Variants in CCDC144A observed in about 807,000 individuals in gnomAD.
CCDC144A encodes the protein coiled-coil domain containing 144A.
CCDC144A carries 41 observed loss-of-function variants against 143.8 expected under a neutral mutation model. That is an observed-to-expected ratio of 0.29 (90% CI 0.22 to 0.37). The LOEUF (loss-of-function observed/expected upper bound fraction) is 0.37, where lower values mean the gene tolerates loss of function less well. Ranked by LOEUF, CCDC144A falls within the 10% of genes least tolerant of loss-of-function variation. CCDC144A has a pLI of 1.00. For synonymous variants in CCDC144A, 242 were observed against 517.9 expected, an observed-to-expected ratio of 0.47 and a Z score of 7.23; for missense variants, 637 against 1,488.8, an observed-to-expected ratio of 0.43 and a Z score of 9.41.
chr17:16,686,750 A>G (rs1910797680), upstream of CCDC144A, among the ~76,000 whole-genome samples: 1 of 61,860 alleles, frequency 1.6e-5, no homozygotes, highest in Non-Finnish European at 2.9e-5. Context: ...ACACACAAAC[A>G]CACACACACA....
chr17:16,741,361 G>A (rs1597574715), intron 12 of CCDC144A, among the ~76,000 whole-genome samples: 1 of 151,908 alleles, frequency 6.6e-6, no homozygotes, highest in African/African-American at 2.4e-5. Context: ...GGTGGCTATT[G>A]GTTGGAACTT....
chr17:16,670,773 G>T, the CCDC144A span, among the ~76,000 whole-genome samples: 1 of 151,726 alleles, frequency 6.6e-6, no homozygotes, highest in African/African-American at 2.4e-5. Context: ...CCTCCAAAAG[G>T]GCCGGGATTA....
intron 12 of CCDC144A, among the ~76,000 whole-genome samples, chr17:16,749,176 G>T (rs1435857447): frequency 6.6e-6 from 1 of 151,940 alleles, no homozygotes; most frequent in African/African-American, 2.4e-5. Context: ...TCCTCTCGGC[G>T]CAGTGTCAGA....
At chr17:16,752,272 A>G (rs1914832238) in intron 12 of CCDC144A, among the ~76,000 whole-genome samples, 1 of 152,140 alleles carries the variant, frequency 6.6e-6, no homozygotes, top group South Asian at 2.1e-4. Context: ...ATGAGAATCT[A>G]ATGCCTGACG....
At chr17:16,685,184 A>C (rs1225161437), upstream of CCDC144A, among the ~76,000 whole-genome samples, 1 of 151,730 alleles carries the variant, frequency 6.6e-6, no homozygotes, top group Non-Finnish European at 1.5e-5. Context: ...ATGCCACCAC[A>C]CCTGGCTGGT....
At position 16,736,235 on chromosome 17, in the gene CCDC144A, C is replaced by CTT. The variant is rs71214289; in HGVS notation, c.3372+612_3372+613dup. ...CCTCTCAATTCTTTAAAGGCATTTACTTTTTTTTTTTTTTTTTTTTTGAGA... is the reference window on the plus strand; with the variant it reads ...CCTCTCAATTCTTTAAAGGCATTTACTTTTTTTTTTTTTTTTTTTTTTTGAGA... On this transcript the variant is annotated intron_variant, in intron 12 of 16. Transcript: ENST00000399273. Among the ~76,000 whole-genome samples the CTT allele has an allele frequency of 3.5e-3, 342 of 98,168 alleles. 2 individuals are homozygous for CTT. The highest frequency in any genetic ancestry group is 4.5e-3 in the Non-Finnish European group (207 of 45,826). 64.4% of individuals were successfully genotyped at this position (98,168 alleles called of 152,430 possible). A position where few individuals can be genotyped will look rare whatever the true frequency, so the allele number is the denominator to read the frequency against.
At chr17:16,746,603 T>G in intron 12 of CCDC144A, 1 of 1,613,498 alleles carries the variant, frequency 6.2e-7, no homozygotes, top group Non-Finnish European at 8.5e-7. Context: ...AAGGATGTCA[T>G]CAGGATTCCT....
At chr17:16,699,651 C>T (rs1726189147) in intron 2 of CCDC144A, among the ~76,000 whole-genome samples, 4 of 143,266 alleles carry the variant, frequency 2.8e-5, no homozygotes, top group Non-Finnish European at 6.0e-5. Flanking sequence ...CAGATGTGTG[C>T]TACTGCACCT....
chr17:16,758,966 C>G (rs2143356498), intron 12 of CCDC144A, among the ~76,000 whole-genome samples: 1 of 152,358 alleles, frequency 6.6e-6, no homozygotes, highest in South Asian at 2.1e-4. Context: ...TGTAGTACGA[C>G]AGTGCCTTAA....
intron 12 of CCDC144A, among the ~76,000 whole-genome samples, chr17:16,751,889 C>T (rs968421465): frequency 3.6e-4 from 55 of 152,266 alleles, no homozygotes; most frequent in Non-Finnish European, 2.2e-4. Context: ...ACCAGGCCTC[C>T]CTCCAGTGTC....
At chr17:16,718,812 T>C (rs1912919898) in intron 6 of CCDC144A, among the ~76,000 whole-genome samples, 1 of 135,230 alleles carries the variant, frequency 7.4e-6, no homozygotes, top group Middle Eastern at 3.8e-3. Context: ...TATCAGATTA[T>C]TACTTCTGGA....
chr17:16,682,202 GGTGTGTGTGTGTGT>G, the CCDC144A span, among the ~76,000 whole-genome samples: 8 of 145,230 alleles, frequency 5.5e-5, no homozygotes, highest in African/African-American at 7.6e-5. Context: ...TCTGAAAATG[GGTGTGTGTGTGTGT>G]GTGTGTGTGT....
Position 16,709,200 on chromosome 17 carries a change from T to G in CCDC144A, c.1143T>G (p.Ser381=). The G allele has an allele frequency of 3.1e-6, 5 of 1,611,736 alleles. No homozygotes were observed. Among genetic ancestry groups the G allele is most frequent in the Non-Finnish European group, 4.2e-6 (5 of 1,179,660 alleles). The stretch of plus-strand genomic sequence containing the variant: ...TCCATCCATACTATCATCCATACTC[T>G]GGGTCCCAGGAACATGTTTGCCAGT... The part of the protein sequence containing the change: ...NIIHPYYHPY[S]GSQEHVCQSS... The change falls in exon 5 of 17, where the codon TCT becomes TCG. Residue 381 remains serine, a synonymous_variant. Coordinates refer to ENST00000399273, the MANE Select transcript of CCDC144A (RefSeq NM_001382000.1).
chr17:16,668,998 G>C, the CCDC144A span, among the ~76,000 whole-genome samples: 2 of 152,176 alleles, frequency 1.3e-5, no homozygotes, highest in Admixed American at 6.5e-5. Flanking sequence ...AAATGTTCAT[G>C]CCATAACACA....
At chr17:16,704,312 G>C (rs1470755523) in intron 2 of CCDC144A, among the ~76,000 whole-genome samples, 2 of 152,100 alleles carry the variant, frequency 1.3e-5, no homozygotes, top group African/African-American at 2.4e-5. Context: ...AAAATTAGCC[G>C]GGCGTAGTGG....
chr17:16,750,772 G>A (rs1597582611), intron 12 of CCDC144A, among the ~76,000 whole-genome samples: 1 of 151,676 alleles, frequency 6.6e-6, no homozygotes, highest in East Asian at 1.9e-4. Flanking sequence ...GTCTGACTGG[G>A]CTGACTCAAA....
chr17:16,767,968 C>A (rs890642049), intron 15 of CCDC144A, among the ~76,000 whole-genome samples: 6 of 152,354 alleles, frequency 3.9e-5, no homozygotes, highest in Non-Finnish European at 5.9e-5. Context: ...TTTCTGCAAC[C>A]GGTTACGGGG....
At chr17:16,729,565 T>C (rs1289436827) in intron 9 of CCDC144A, among the ~76,000 whole-genome samples, 2 of 152,196 alleles carry the variant, frequency 1.3e-5, no homozygotes, top group Non-Finnish European at 2.9e-5. Flanking sequence ...TTTCTTTTCT[T>C]TTCTTTTGAG....
chr17:16,767,968 C>T (rs890642049), intron 15 of CCDC144A, among the ~76,000 whole-genome samples: 5 of 152,238 alleles, frequency 3.3e-5, no homozygotes, highest in East Asian at 3.8e-4. Context: ...TTTCTGCAAC[C>T]GGTTACGGGG....
Sources: gnomAD v4.1 joint callset for allele counts (sites outside exome capture counted in the v4.1 genomes callset) on GRCh38, gnomAD v4.1.1 for gene constraint, MANE v1.5 for transcripts, NCBI Gene and HGNC (gene_info 2026-07-23, HGNC 2026-07-21) for gene names.